TANGO6: variants seen among roughly 807,000 people sequenced by gnomAD.
TANGO6 encodes transport and golgi organization 6 homolog, also known as transport and Golgi organization protein 6 homolog.
A neutral mutation model predicts 114.2 loss-of-function variants in TANGO6; 90 were observed. That is an observed-to-expected ratio of 0.79 (90% CI 0.66 to 0.94). TANGO6 has a LOEUF of 0.94. Ranked by LOEUF, TANGO6 falls within the 40% of genes least tolerant of loss-of-function variation. The pLI, the probability that TANGO6 is intolerant of heterozygous loss-of-function variation, is 0.00. For missense variants in TANGO6, 1,274 were observed against 1,315.3 expected, an observed-to-expected ratio of 0.97 and a Z score of 0.49; for synonymous variants, 477 against 509.8, an observed-to-expected ratio of 0.94 and a Z score of 0.87.
chr16:68,895,320 G>C (rs1321969274), intron 7 of TANGO6, among the ~76,000 whole-genome samples: 1 of 152,148 alleles, frequency 6.6e-6, no homozygotes, highest in African/African-American at 2.4e-5. Flanking sequence ...CTGCACTCCA[G>C]CCTGGACCAC....
intron 17 of TANGO6, among the ~76,000 whole-genome samples, chr16:69,050,247 C>G (rs1351216548): frequency 6.6e-6 from 1 of 152,102 alleles, no homozygotes; most frequent in African/African-American, 2.4e-5. Context: ...TTGTTATTGT[C>G]CATCATACAT....
At chr16:69,006,737 C>T (rs1055290180) in intron 15 of TANGO6, among the ~76,000 whole-genome samples, 7 of 152,090 alleles carry the variant, frequency 4.6e-5, no homozygotes, top group African/African-American at 7.2e-5. Context: ...GGTAACAGAG[C>T]GAGACTCTGT....
intron 17 of TANGO6, among the ~76,000 whole-genome samples, chr16:69,079,091 C>G (rs1448227945): frequency 6.6e-6 from 1 of 151,876 alleles, no homozygotes; most frequent in Non-Finnish European, 1.5e-5. Context: ...TTTGGGAGGC[C>G]AAGGTGGGCG....
At chr16:69,077,964 C>G (rs897510029) in intron 17 of TANGO6, among the ~76,000 whole-genome samples, 1 of 152,098 alleles carries the variant, frequency 6.6e-6, no homozygotes, top group African/African-American at 2.4e-5. Context: ...ATACCACCAG[C>G]CTGCCCCACA....
intron 14 of TANGO6, among the ~76,000 whole-genome samples, chr16:68,966,960 C>T (rs532123306): frequency 8.1e-4 from 123 of 151,998 alleles, no homozygotes; most frequent in African/African-American, 2.8e-3. Flanking sequence ...TTAGTAGAGA[C>T]GGGGTTTTGC....
intron 15 of TANGO6, among the ~76,000 whole-genome samples, chr16:69,004,989 C>T (rs937828290): frequency 1.3e-5 from 2 of 152,158 alleles, no homozygotes; most frequent in Non-Finnish European, 2.9e-5. Context: ...ACCCACAATT[C>T]TAGAGGGAAT....
chr16:68,844,739 G>C (rs1317204173), intron 1 of TANGO6, among the ~76,000 whole-genome samples: 1 of 151,994 alleles, frequency 6.6e-6, no homozygotes, highest in Non-Finnish European at 1.5e-5. Context: ...TCCTCATTAC[G>C]ATCCCCTGGG....
In TANGO6 at chr16:68,997,810, C is replaced by T. The variant is rs182851158; in HGVS notation, c.2842+23642C>T. Among the ~76,000 whole-genome samples the T allele has an allele frequency of 5.3e-5, 8 of 152,300 alleles. No individual in the cohort carries two copies. In the East Asian group the frequency reaches 1.4e-3, roughly 26 times the overall value. Reference sequence around the variant, plus strand: ...AACACCTCTGACATATTTCCTCCCTCCCTTTTACAAGGGCACCCTTAATCC... The same window carrying T: ...AACACCTCTGACATATTTCCTCCCTTCCTTTTACAAGGGCACCCTTAATCC... On this transcript the variant is annotated intron_variant, in intron 15 of 17. Coordinates refer to ENST00000261778, the MANE Select transcript of TANGO6 (RefSeq NM_024562.2).
chr16:68,978,580 A>C (rs1963787896), intron 15 of TANGO6, among the ~76,000 whole-genome samples: 1 of 152,156 alleles, frequency 6.6e-6, no homozygotes, highest in South Asian at 2.1e-4. Context: ...CCAATTTGAC[A>C]ACATAGCCAA....
At chr16:69,023,385 G>A (rs1297139728) in intron 16 of TANGO6, among the ~76,000 whole-genome samples, 1 of 152,030 alleles carries the variant, frequency 6.6e-6, no homozygotes, top group Non-Finnish European at 1.5e-5. Flanking sequence ...GAACCCAGGA[G>A]GCATAGGTTG....
intron 14 of TANGO6, among the ~76,000 whole-genome samples, chr16:68,960,537 C>T (rs543657508): frequency 6.6e-6 from 1 of 152,092 alleles, no homozygotes; most frequent in Admixed American, 6.6e-5. Flanking sequence ...GAGTCTCGCT[C>T]TGTCACCCAG....
chr16:68,930,560 C>G (rs1325393730), intron 14 of TANGO6, among the ~76,000 whole-genome samples: 3 of 151,540 alleles, frequency 2.0e-5, no homozygotes, highest in Admixed American at 2.0e-4. Flanking sequence ...CGTATTTCCT[C>G]TAATTCAAGG....
chr16:69,050,446 A>G (rs1273936108), intron 17 of TANGO6, among the ~76,000 whole-genome samples: 2 of 151,146 alleles, frequency 1.3e-5, no homozygotes, highest in East Asian at 3.9e-4. Flanking sequence ...GGCTCAAGCA[A>G]TCCTTCCACC....
intron 7 of TANGO6, 177 bp from the exon 8 acceptor site, chr16:68,900,257 T>A (rs1294746616): frequency 5.1e-6 from 3 of 593,056 alleles, no homozygotes; most frequent in Non-Finnish European, 9.0e-6. Context: ...TTTCAGCCTG[T>A]CTGCCAAACT....
chr16:68,911,804 A>G (rs975089784), intron 11 of TANGO6, among the ~76,000 whole-genome samples: 1 of 152,230 alleles, frequency 6.6e-6, no homozygotes, highest in Admixed American at 6.5e-5. Context: ...GCAGGCAGGA[A>G]TCATACATTT....
At chr16:68,913,265 G>T (rs953630599) in intron 11 of TANGO6, among the ~76,000 whole-genome samples, 15 of 151,410 alleles carry the variant, frequency 9.9e-5, no homozygotes, top group Admixed American at 8.6e-4. Context: ...TGTTTTTTTT[G>T]TAGAGATGGG....
intron 1 of TANGO6, among the ~76,000 whole-genome samples, chr16:68,851,860 A>G (rs1465038317): frequency 6.6e-6 from 1 of 152,218 alleles, no homozygotes; most frequent in African/African-American, 2.4e-5. Context: ...AGCCAGTTCG[A>G]TAGATGGAAA....
chr16:68,857,118 A>G (rs1439713498), intron 1 of TANGO6, among the ~76,000 whole-genome samples: 1 of 152,194 alleles, frequency 6.6e-6, no homozygotes, highest in Non-Finnish European at 1.5e-5. Flanking sequence ...AATAAAAAAC[A>G]AAAACAAAAA....
chr16:68,963,402 C>G (rs567289925), intron 14 of TANGO6, among the ~76,000 whole-genome samples: 2 of 152,226 alleles, frequency 1.3e-5, no homozygotes, highest in African/African-American at 4.8e-5. Flanking sequence ...CAGGTGTGAA[C>G]CACCATGCCC....
Sources: allele counts gnomAD v4.1 joint callset (sites outside exome capture counted in the v4.1 genomes callset), GRCh38; gene constraint gnomAD v4.1.1; transcripts MANE v1.5; gene names NCBI Gene and HGNC (gene_info 2026-07-23, HGNC 2026-07-21).